Variants in CACNA2D4 observed in about 807,000 individuals in gnomAD.
CACNA2D4 encodes calcium voltage-gated channel auxiliary subunit alpha2delta 4, also known as voltage-dependent calcium channel subunit alpha-2/delta-4.
A neutral mutation model predicts 163.8 loss-of-function variants in CACNA2D4; 157 were observed. The ratio of observed to expected loss-of-function variants is 0.96; its 90% CI spans 0.84 to 1.09. The LOEUF is 1.09. Ranked by LOEUF, CACNA2D4 falls within the 50% of genes least tolerant of loss-of-function variation. The probability of loss-of-function intolerance (pLI) is 0.00; values close to 1 mark genes in which losing one functional copy is unlikely to be tolerated. For missense variants in CACNA2D4, 1,410 were observed against 1,479.9 expected (o/e 0.95, Z 0.78); for synonymous variants, 598 against 586.9 (o/e 1.02, Z -0.27).
chr12:1,819,732 T>C (rs1455345983), intron 26 of CACNA2D4, among the ~76,000 whole-genome samples: 1 of 152,214 alleles, frequency 6.6e-6, no homozygotes, highest in Non-Finnish European at 1.5e-5. Flanking sequence ...CTCCAAGTTC[T>C]TGAATGACAG....
intron 7 of CACNA2D4, 132 bp downstream of exon 7, chr12:1,886,877 G>T: frequency 1.6e-6 from 1 of 635,886 alleles, no homozygotes; most frequent in Non-Finnish European, 2.9e-6. Flanking sequence ...CTTGTGTCGG[G>T]CTAGGGTTCT....
chr12:1,876,273 G>A (rs1865878046), intron 16 of CACNA2D4, among the ~76,000 whole-genome samples: 1 of 152,136 alleles, frequency 6.6e-6, no homozygotes, highest in South Asian at 2.1e-4. Flanking sequence ...TAAAATATTT[G>A]AATGGGACGG....
Position 1,799,721 on chromosome 12 carries a change from G to T in CACNA2D4, c.2975-26C>A. 6.4e-7 allele frequency: 1 copy of T among 1,566,628 alleles called. No individual in the cohort carries two copies. On this transcript the variant is annotated intron_variant, in intron 33 of 37. Coordinates refer to ENST00000382722, the MANE Select transcript of CACNA2D4 (RefSeq NM_172364.5). The surrounding 1 kb of genome is among the most constrained non-coding windows in gnomAD (Gnocchi z 4.7). ...CTGGCCGGAACATAAGCCCAGCACAGGGTGGACACGGCACAGGAAAACATG... is the reference window on the plus strand; with the variant it reads ...CTGGCCGGAACATAAGCCCAGCACATGGTGGACACGGCACAGGAAAACATG...
Position 1,806,628 on chromosome 12 carries a change from CA to C in CACNA2D4, c.2721+3649del, listed in dbSNP as rs577310295. On this transcript the variant is annotated intron_variant, in intron 29 of 37. Coordinates refer to ENST00000382722, the MANE Select transcript of CACNA2D4 (RefSeq NM_172364.5). This position sits in a 1 kb window ranked among gnomAD's most constrained non-coding sequence, Gnocchi z 4.1. ...ATTTGCCTAGTCAGGAAAGTGACAG[CA>C]GCCAGCTAAAGTGCATTGAGATCCA... Among the ~76,000 whole-genome samples, 348 of 152,326 alleles carry C rather than the reference CA, an allele frequency of 2.3e-3. 1 individual carries two copies. The highest frequency in any genetic ancestry group is 8.0e-3 in the African/African-American group (332 of 41,568).
intron 18 of CACNA2D4, among the ~76,000 whole-genome samples, chr12:1,864,174 CG>C (rs1238504079): frequency 6.6e-5 from 10 of 152,188 alleles, no homozygotes; most frequent in African/African-American, 2.4e-4. Flanking sequence ...GTCAGCCTAA[CG>C]GTGAGCCGAC....
chr12:1,860,262 C>T, intron 18 of CACNA2D4, 56 bp from the exon 19 acceptor site: 1 of 1,396,786 alleles, frequency 7.2e-7, no homozygotes, highest in Non-Finnish European at 1.0e-6. Context: ...CCCCCAGCCC[C>T]CACCTCGCCC....
In CACNA2D4 at chr12:1,858,627, G is replaced by C. The variant is rs1175274856; in HGVS notation, c.1958C>G (p.Ser653Cys). ...AAGGATGTATTCTCCGTGGCCCCGG[G>C]ACAGCACCACCCCCAAACTGTGGGG... ...DTPFSLGVVL[S>C]RGHGEYILLG... Residue 653 changes from serine (S) to cysteine (C), a missense_variant, in exon 20 of 38, where the codon TCC (serine) becomes TGC (cysteine). Ser to Cys is a moderately radical substitution (Grantham distance 112). Transcript: ENST00000382722. 6.2e-7 allele frequency: 1 copy of C among 1,609,238 alleles called. No homozygotes were observed. The highest frequency in any genetic ancestry group is 1.3e-5 in the African/African-American group (1 of 74,966).
chr12:1,894,069 T>C (rs2154450150), intron 6 of CACNA2D4, among the ~76,000 whole-genome samples: 1 of 152,104 alleles, frequency 6.6e-6, no homozygotes, highest in Non-Finnish European at 1.5e-5. Flanking sequence ...AAAGCATACA[T>C]TACAATGAAT....
In CACNA2D4 at chr12:1,913,171, T is replaced by C. The variant is rs529028199; in HGVS notation, c.310-32A>G. 2.9e-5 allele frequency: 42 copies of C among 1,467,980 alleles called. No individual in the cohort carries two copies. The East Asian group carries it at 3.9e-4, about 13-fold the overall frequency. 90.9% of individuals were successfully genotyped at this position (1,467,980 alleles called of 1,614,324 possible). A position where few individuals can be genotyped will look rare whatever the true frequency, so the allele number is the denominator to read the frequency against. On this transcript the variant is annotated intron_variant, in intron 2 of 37. Coordinates refer to ENST00000382722, the MANE Select transcript of CACNA2D4 (RefSeq NM_172364.5). ...GGGGAAAGTGGGAGAGATGCGTGCA[T>C]GTGGTTTTGTACCAGGATAGTTGCA... is the stretch of plus-strand genomic sequence containing the variant.
chr12:1,816,362 CCT>C (rs569496655), intron 26 of CACNA2D4, among the ~76,000 whole-genome samples: 4 of 152,336 alleles, frequency 2.6e-5, no homozygotes, highest in East Asian at 3.9e-4. Flanking sequence ...ATGGTGGGCC[CCT>C]GTTTTAGACC....
intron 29 of CACNA2D4, among the ~76,000 whole-genome samples, chr12:1,804,121 CTGTGTGTGTGTGTGTGTG>C (rs57706301): frequency 4.3e-5 from 6 of 139,166 alleles, no homozygotes; most frequent in Admixed American, 3.5e-4. Flanking sequence ...ATTCTAGTTA[CTGTGTGTGTGTGTGTGTG>C]TGTGTGTGTG....
chr12:1,842,077 G>A (rs992315903), intron 25 of CACNA2D4, among the ~76,000 whole-genome samples: 16 of 152,316 alleles, frequency 1.1e-4, no homozygotes, highest in African/African-American at 3.4e-4. Flanking sequence ...GCCAGCAGAG[G>A]CTTGTAGGAA....
intron 23 of CACNA2D4, among the ~76,000 whole-genome samples, chr12:1,853,644 C>T (rs978324484): frequency 2.0e-5 from 3 of 152,176 alleles, no homozygotes; most frequent in African/African-American, 7.2e-5. Context: ...CTGGGAAAAC[C>T]GAGGTCAAGT....
intron 26 of CACNA2D4, among the ~76,000 whole-genome samples, chr12:1,825,006 C>T (rs1038309237): frequency 2.1e-4 from 32 of 152,250 alleles, no homozygotes; most frequent in African/African-American, 7.2e-4. Context: ...CCGCATGAAC[C>T]TGGGGGCCTT....
intron 26 of CACNA2D4, among the ~76,000 whole-genome samples, chr12:1,826,013 G>A (rs1428337631): frequency 6.6e-6 from 1 of 152,204 alleles, no homozygotes; most frequent in Non-Finnish European, 1.5e-5. Flanking sequence ...GGCCTGCGAG[G>A]GCCGTAGGTG....
Position 1,824,844 on chromosome 12 carries a change from C to T in CACNA2D4, c.2552-13121G>A, listed in dbSNP as rs565386741. Among the ~76,000 whole-genome samples, 3 of 152,230 alleles carry T rather than the reference C, an allele frequency of 2.0e-5. No homozygotes were observed. The South Asian group carries it at 6.2e-4, about 32-fold the overall frequency. The stretch of plus-strand genomic sequence containing the variant: ...GTGCTGGCTGCAGCCCCACCTCTCT[C>T]TAGGAGTCCCTCTGTGGTGCCACAC... On this transcript the variant is annotated intron_variant, in intron 26 of 37. Coordinates refer to ENST00000382722, the MANE Select transcript of CACNA2D4 (RefSeq NM_172364.5).
chr12:1,905,759 A>T (rs758177985), intron 6 of CACNA2D4, among the ~76,000 whole-genome samples: 1 of 152,174 alleles, frequency 6.6e-6, no homozygotes, highest in Non-Finnish European at 1.5e-5. Flanking sequence ...TATTGTTAAG[A>T]TGTCAGTACT....
At chr12:1,916,868 G>A (rs1290575344) in intron 1 of CACNA2D4, among the ~76,000 whole-genome samples, 2 of 152,198 alleles carry the variant, frequency 1.3e-5, no homozygotes, top group Non-Finnish European at 2.9e-5. Context: ...TGGGCAGGCA[G>A]ATGAGGCTGT....
rs1007896241 is a variant in CACNA2D4 at position 1,878,226 on chromosome 12, A to C, written c.1719+89T>G. The C allele has an allele frequency of 1.6e-5, 23 of 1,427,846 alleles. No homozygotes were observed. The highest frequency in any genetic ancestry group is 2.0e-5 in the Non-Finnish European group (21 of 1,034,536). The allele number at this position is 1,427,846 out of a possible 1,614,324, so 88.4% of individuals were successfully genotyped here. The stretch of plus-strand genomic sequence containing the variant: ...CCCACTGGGTTCCTAAATGGAGCCC[A>C]ATGTGTGTTTGTTGTTTTAATCGTT... On this transcript the variant is annotated intron_variant, in intron 16 of 37. Coordinates refer to ENST00000382722, the MANE Select transcript of CACNA2D4 (RefSeq NM_172364.5). The surrounding 1 kb of genome is among the most constrained non-coding windows in gnomAD (Gnocchi z 4.6).
Sources: allele counts gnomAD v4.1 joint callset (sites outside exome capture counted in the v4.1 genomes callset), GRCh38; gene constraint gnomAD v4.1.1; non-coding constraint Gnocchi (gnomAD v3.1); transcripts MANE v1.5; gene names NCBI Gene and HGNC (gene_info 2026-07-23, HGNC 2026-07-21).